Variants in SULF1 observed in about 807,000 individuals in gnomAD.
SULF1 encodes extracellular sulfatase Sulf-1.
In SULF1, 46 loss-of-function variants were observed where a neutral mutation model predicts 110.5. The observed-to-expected ratio is 0.42, with a 90% CI of 0.33 to 0.53. The LOEUF is 0.53. SULF1 is among the 20% of genes least tolerant of loss of function. SULF1 has a pLI of 0.12. For synonymous variants in SULF1, 371 were observed against 387.1 expected (o/e 0.96, Z 0.49); for missense variants, 941 against 1,094.2 (o/e 0.86, Z 1.98).
intron 1 of SULF1, chr8:69,473,403 A>G (rs565951878): frequency 6.6e-6 from 1 of 152,330 alleles, no homozygotes; most frequent in Non-Finnish European, 1.5e-5. Flanking sequence ...TTTAATTGTA[A>G]AAGGTAGACT....
At chr8:69,549,598 G>T (rs1182767804) in intron 3 of SULF1, among the ~76,000 whole-genome samples, 2 of 152,110 alleles carry the variant, frequency 1.3e-5, no homozygotes, top group African/African-American at 4.8e-5. Flanking sequence ...GATCTCAGAG[G>T]ATGGAATTTT....
intron 5 of SULF1, among the ~76,000 whole-genome samples, chr8:69,564,410 T>G (rs1334922250): frequency 6.6e-6 from 1 of 152,142 alleles, no homozygotes; most frequent in Non-Finnish European, 1.5e-5. Flanking sequence ...CACTGAAGAC[T>G]GTAGAAGGAA....
At chr8:69,635,076 G>A (rs535400991) in intron 19 of SULF1, among the ~76,000 whole-genome samples, 1 of 152,332 alleles carries the variant, frequency 6.6e-6, no homozygotes, top group African/African-American at 2.4e-5. Flanking sequence ...GATTATAGGC[G>A]TGAGCCACCG....
chr8:69,516,427 A>G (rs1455197067), intron 3 of SULF1, among the ~76,000 whole-genome samples: 2 of 151,924 alleles, frequency 1.3e-5, no homozygotes, highest in African/African-American at 2.4e-5. Flanking sequence ...ACTCACTATT[A>G]TGAGAACAAC....
At chr8:69,652,684 A>T (rs781542418) in intron 22 of SULF1, among the ~76,000 whole-genome samples, 12 of 152,232 alleles carry the variant, frequency 7.9e-5, no homozygotes, top group Non-Finnish European at 1.3e-4. Context: ...AGTTGTATAC[A>T]GACTGTAGCC....
intron 13 of SULF1, among the ~76,000 whole-genome samples, chr8:69,616,394 CTT>C (rs2130512324): frequency 6.7e-6 from 1 of 149,988 alleles, no homozygotes; most frequent in South Asian, 2.1e-4. Context: ...ATTTTTGTTT[CTT>C]TGTTTTTTGT....
intron 1 of SULF1, among the ~76,000 whole-genome samples, chr8:69,483,542 C>A (rs901194422): frequency 3.3e-5 from 5 of 152,146 alleles, no homozygotes; most frequent in African/African-American, 4.8e-5. Flanking sequence ...TTCCAATATG[C>A]CTTCTTAGCA....
chr8:69,631,956 C>T (rs1586596607), intron 19 of SULF1, among the ~76,000 whole-genome samples: 1 of 152,308 alleles, frequency 6.6e-6, no homozygotes, highest in Admixed American at 6.5e-5. Flanking sequence ...AACTGTTGTC[C>T]TTTCCACTAG....
chr8:69,546,870 T>C (rs959647853), intron 3 of SULF1, among the ~76,000 whole-genome samples: 6 of 152,340 alleles, frequency 3.9e-5, no homozygotes, highest in African/African-American at 1.4e-4. Flanking sequence ...GTATTTTTAC[T>C]GGTTGGTGGG....
intron 22 of SULF1, among the ~76,000 whole-genome samples, chr8:69,645,379 G>T (rs1811815434): frequency 6.6e-6 from 1 of 152,182 alleles, no homozygotes; most frequent in African/African-American, 2.4e-5. Context: ...CCAGGCTGCG[G>T]AATGAAATGT....
At chr8:69,583,525 G>T (rs971664340) in intron 6 of SULF1, among the ~76,000 whole-genome samples, 5 of 150,950 alleles carry the variant, frequency 3.3e-5, no homozygotes, top group Admixed American at 6.6e-5. Context: ...AGTGAGCCGA[G>T]ATCACACCAC....
chr8:69,586,391 C>T lies in SULF1; in HGVS notation c.447C>T (p.Gly149=), dbSNP rs1189958677. 1.2e-6 allele frequency: 2 copies of T among 1,602,440 alleles called. No homozygotes were observed. The highest frequency in any genetic ancestry group is 4.5e-5 in the East Asian group (2 of 44,418). The change falls in exon 7 of 23, where the codon GGC becomes GGT. Residue 149 remains glycine (G), a synonymous_variant. Transcript: ENST00000402687. The part of the protein sequence containing the change: ...FFGKYLNEYN[G]SYIPPGWREW... ...GAAAATACCTCAATGAATATAATGG[C>T]AGCTACATCCCCCCTGGGTGGCGAG... is the stretch of plus-strand genomic sequence containing the variant.
chr8:69,621,376 G>A, intron 14 of SULF1, 125 bp downstream of exon 14: 1 of 610,732 alleles, frequency 1.6e-6, no homozygotes, highest in Non-Finnish European at 2.7e-6. Context: ...CAGGCTAAAA[G>A]CACATCATTG....
At chr8:69,539,247 A>G (rs754648951) in intron 3 of SULF1, among the ~76,000 whole-genome samples, 7 of 152,214 alleles carry the variant, frequency 4.6e-5, no homozygotes, top group Non-Finnish European at 8.8e-5. Flanking sequence ...CTGATTGGGA[A>G]TAAAGTTGGA....
At chr8:69,574,290 CA>C (rs1292394241) in intron 5 of SULF1, among the ~76,000 whole-genome samples, 3 of 152,130 alleles carry the variant, frequency 2.0e-5, no homozygotes, top group African/African-American at 7.2e-5. Flanking sequence ...GAGAATTCTC[CA>C]TATTTCTCTT....
chr8:69,515,998 A>G (rs1811896932), intron 3 of SULF1, among the ~76,000 whole-genome samples: 1 of 152,196 alleles, frequency 6.6e-6, no homozygotes, highest in Non-Finnish European at 1.5e-5. Flanking sequence ...CCATTCAGCA[A>G]GTCTCCAGGA....
chr8:69,575,292 G>A (rs973816954), intron 5 of SULF1, among the ~76,000 whole-genome samples: 1 of 150,978 alleles, frequency 6.6e-6, no homozygotes, highest in African/African-American at 2.4e-5. Context: ...AAATACTTTC[G>A]AGTGCAATCG....
chr8:69,504,576 T>C (rs1353787344), intron 3 of SULF1, among the ~76,000 whole-genome samples: 1 of 152,110 alleles, frequency 6.6e-6, no homozygotes, highest in Non-Finnish European at 1.5e-5. Flanking sequence ...ATAAATAAAA[T>C]AAGTGTCTAA....
At chr8:69,589,365 C>T (rs1659857460) in intron 8 of SULF1, among the ~76,000 whole-genome samples, 1 of 152,202 alleles carries the variant, frequency 6.6e-6, no homozygotes, top group South Asian at 2.1e-4. Context: ...CCAGCATTTA[C>T]AAGTAGCTAA....
Sources: allele counts gnomAD v4.1 joint callset (sites outside exome capture counted in the v4.1 genomes callset), GRCh38; gene constraint gnomAD v4.1.1; transcripts MANE v1.5; gene names NCBI Gene and HGNC (gene_info 2026-07-23, HGNC 2026-07-21).